The following VEPH1 variants were observed in gnomAD, a reference collection of about 807,000 sequenced individuals.
The protein encoded by VEPH1 is ventricular zone expressed PH domain containing 1, also known as ventricular zone-expressed PH domain-containing protein homolog 1.
In VEPH1, 80 loss-of-function variants were observed where a neutral mutation model predicts 85.2. That is an observed-to-expected ratio of 0.94 (90% CI 0.78 to 1.13). The LOEUF is 1.13. Among genes scored for constraint, VEPH1 ranks in the 50% most tolerant of loss-of-function variants. The pLI, the probability that VEPH1 is intolerant of heterozygous loss-of-function variation, is 0.00. For synonymous variants in VEPH1, 297 were observed against 348.0 expected (o/e 0.85, Z 1.63); for missense variants, 955 against 980.5 (o/e 0.97, Z 0.35).
intron 4 of VEPH1, among the ~76,000 whole-genome samples, chr3:157,451,397 T>A (rs1382550666): frequency 6.6e-6 from 1 of 152,168 alleles, no homozygotes; most frequent in Non-Finnish European, 1.5e-5. Flanking sequence ...TACCACTTAC[T>A]GGGAGAATTC....
intron 4 of VEPH1, among the ~76,000 whole-genome samples, chr3:157,432,828 A>G (rs982295116): frequency 6.6e-6 from 1 of 152,162 alleles, no homozygotes; most frequent in Non-Finnish European, 1.5e-5. Flanking sequence ...CATATTGACT[A>G]ATTTGGCATA....
intron 3 of VEPH1, among the ~76,000 whole-genome samples, chr3:157,469,641 T>C (rs1488936936): frequency 1.3e-5 from 2 of 152,258 alleles, no homozygotes; most frequent in African/African-American, 4.8e-5. Context: ...AAAGTTCTTT[T>C]CTGAGAAACA....
chr3:157,441,939 T>A (rs1207111309), intron 4 of VEPH1, among the ~76,000 whole-genome samples: 1 of 152,180 alleles, frequency 6.6e-6, no homozygotes, highest in Non-Finnish European at 1.5e-5. Flanking sequence ...TTTTAGGAAC[T>A]TGGTGGTGGC....
At chr3:157,484,017 T>C (rs1738387881) in intron 2 of VEPH1, among the ~76,000 whole-genome samples, 1 of 152,034 alleles carries the variant, frequency 6.6e-6, no homozygotes, top group Admixed American at 6.6e-5. Flanking sequence ...AATATACAAA[T>C]AAAACTATAT....
In VEPH1 at chr3:157,317,086, G is replaced by C. The variant is rs1214273135; in HGVS notation, c.1851C>G (p.Ile617Met). The C allele has an allele frequency of 6.2e-7, 1 of 1,613,230 alleles. No homozygotes were observed. Among genetic ancestry groups the C allele is most frequent in the Admixed American group, 1.7e-5 (1 of 59,940 alleles). Residue 617 changes from isoleucine (I) to methionine (M), a missense_variant, in exon 10 of 14, where the codon ATC (isoleucine) becomes ATG (methionine). By Grantham distance (10) the Ile-to-Met change is conservative. Coordinates refer to ENST00000362010, the MANE Select transcript of VEPH1 (RefSeq NM_001167912.2). ...ILISQEPQPW[I>M]QIMFLFQQSL... is the part of the protein sequence containing the mutation. ...CCTGCTGAAATAGAAACATGATCTG[G>C]ATCCATGGCTGAGGTTCTTGGCTGA...
intron 4 of VEPH1, chr3:157,442,417 G>T: frequency 6.2e-7 from 1 of 1,614,006 alleles, no homozygotes. Context: ...ATTTTTGGAA[G>T]CGTGCATCCA....
intron 9 of VEPH1, among the ~76,000 whole-genome samples, chr3:157,322,500 T>C (rs755528164): frequency 4.6e-5 from 7 of 152,224 alleles, no homozygotes; most frequent in Non-Finnish European, 1.0e-4. Flanking sequence ...TTGGATCATA[T>C]GGTAATTCTA....
intron 9 of VEPH1, among the ~76,000 whole-genome samples, chr3:157,323,387 A>G (rs534212310): frequency 6.6e-6 from 1 of 152,334 alleles, no homozygotes; most frequent in East Asian, 1.9e-4. Context: ...GAGTTGTTGA[A>G]CTGACCTGCA....
At chr3:157,414,175 CT>C (rs1731728816) in intron 5 of VEPH1, 85 bp from the exon 6 acceptor site, 7 of 1,128,220 alleles carry the variant, frequency 6.2e-6, no homozygotes, top group South Asian at 4.4e-5. Flanking sequence ...TGAAAGCAAA[CT>C]TTTTTTGCAT....
At chr3:157,410,864 T>C (rs540477003) in intron 6 of VEPH1, among the ~76,000 whole-genome samples, 3 of 152,134 alleles carry the variant, frequency 2.0e-5, no homozygotes, top group Non-Finnish European at 4.4e-5. Flanking sequence ...GATCCACAAA[T>C]GTGAAATGAA....
At chr3:157,383,709 G>C (rs897288640) in intron 6 of VEPH1, among the ~76,000 whole-genome samples, 2 of 152,172 alleles carry the variant, frequency 1.3e-5, no homozygotes, top group African/African-American at 4.8e-5. Flanking sequence ...AGAGGCTTGT[G>C]CTTTCATGAG....
chr3:157,354,999 AG>A (rs1243414565), intron 9 of VEPH1, among the ~76,000 whole-genome samples: 2 of 152,052 alleles, frequency 1.3e-5, no homozygotes, highest in African/African-American at 2.4e-5. Context: ...ACTGCTCCCC[AG>A]GGGGCCAACT....
In VEPH1 at chr3:157,366,463, G is replaced by A. The variant is rs572204327; in HGVS notation, c.1128-1951C>T. Among the ~76,000 whole-genome samples the A allele has an allele frequency of 4.6e-5, 7 of 152,166 alleles. 1 individual carries two copies. In the South Asian group the frequency reaches 8.3e-4, roughly 18 times the overall value. On this transcript the variant is annotated intron_variant, in intron 7 of 13. Coordinates refer to ENST00000362010, the MANE Select transcript of VEPH1 (RefSeq NM_001167912.2). ...AAAGAAAGAAAGCACTGCCAGGCAC[G>A]GTGGCTTATGCTTGTAATCCCAACA...
chr3:157,400,212 C>A (rs1730704378), intron 6 of VEPH1, among the ~76,000 whole-genome samples: 2 of 151,936 alleles, frequency 1.3e-5, no homozygotes, highest in African/African-American at 4.8e-5. Context: ...AAATAAATCC[C>A]AGTAATAAAA....
chr3:157,381,377 C>G lies in VEPH1; in HGVS notation c.907-1G>C, dbSNP rs1170542702. 6.2e-7 allele frequency: 1 copy of G among 1,613,914 alleles called. No homozygotes were observed. Among genetic ancestry groups the G allele is most frequent in the South Asian group, 1.1e-5 (1 of 91,064 alleles). Reference sequence around the variant, plus strand: ...ATGTCAGGCAGCTCCTGGCTCTCTCCTACCAAAAACAATGAAGAAAATAGG... The same window carrying G: ...ATGTCAGGCAGCTCCTGGCTCTCTCGTACCAAAAACAATGAAGAAAATAGG... On this transcript the variant is annotated splice_acceptor_variant, in intron 6 of 13. Transcript: ENST00000362010. LOFTEE classifies it high-confidence loss of function.
At chr3:157,279,164 C>T (rs1715761026) in intron 12 of VEPH1, among the ~76,000 whole-genome samples, 2 of 152,124 alleles carry the variant, frequency 1.3e-5, no homozygotes, top group South Asian at 4.1e-4. Context: ...GAGGTGATTA[C>T]TGTAGTAAGA....
chr3:157,459,943 T>G, intron 4 of VEPH1: 5 of 1,537,238 alleles, frequency 3.3e-6, no homozygotes, highest in Non-Finnish European at 4.4e-6. Flanking sequence ...AACACAGATT[T>G]GGAAGAATGC....
chr3:157,276,314 T>C (rs1715377141), intron 12 of VEPH1, among the ~76,000 whole-genome samples: 1 of 152,230 alleles, frequency 6.6e-6, no homozygotes, highest in South Asian at 2.1e-4. Context: ...CATTTAGGGC[T>C]ATGTTTCCTG....
intron 12 of VEPH1, among the ~76,000 whole-genome samples, chr3:157,283,296 C>T (rs567177846): frequency 6.6e-6 from 1 of 152,236 alleles, no homozygotes; most frequent in South Asian, 2.1e-4. Flanking sequence ...GCTGTGTGAC[C>T]TTGCGAAAAT....
Sources: gnomAD v4.1 joint callset for allele counts (sites outside exome capture counted in the v4.1 genomes callset) on GRCh38, gnomAD v4.1.1 for gene constraint, MANE v1.5 for transcripts, NCBI Gene and HGNC (gene_info 2026-07-23, HGNC 2026-07-21) for gene names.